ADARB2: variants seen among roughly 807,000 people sequenced by gnomAD.
ADARB2 encodes the protein inactive double-stranded RNA-specific editase B2.
In ADARB2, 25 loss-of-function variants were observed where a neutral mutation model predicts 62.2. The observed-to-expected ratio is 0.40, with a 90% CI of 0.29 to 0.56. The LOEUF is 0.56. Ranked by LOEUF, ADARB2 falls within the 20% of genes least tolerant of loss-of-function variation. ADARB2 has a pLI of 0.43. For synonymous variants in ADARB2, 572 were observed against 500.8 expected (o/e 1.14, Z -1.90); for missense variants, 1,071 against 1,077.4 (o/e 0.99, Z 0.08).
In ADARB2 at chr10:1,363,438, G is replaced by C. The variant is rs1380685905; in HGVS notation, c.667C>G (p.Leu223Val). 2.1e-5 allele frequency: 30 copies of C among 1,406,014 alleles called. No individual in the cohort carries two copies. In the South Asian group the frequency reaches 4.0e-4, roughly 19 times the overall value. The allele number at this position is 1,406,014 out of a possible 1,614,324, so 87.1% of individuals were successfully genotyped here. The change falls in exon 3 of 10, where the codon CTC becomes GTC. Residue 223 changes from leucine to valine, a missense_variant. Physicochemically the swap from Leu to Val is conservative, Grantham distance 32. Transcript: ENST00000381312. ...TSDQADFPDT[L>V]FQEFEPPAPR... ...GCCGGGGGCTCGAACTCCTGGAAGA[G>C]CGTGTCGGGGAAATCGGCCTGGTCG...
At position 1,203,429 on chromosome 10, in the gene ADARB2, G is replaced by A. The variant is rs182844587; in HGVS notation, c.1683-3282C>T. On this transcript the variant is annotated intron_variant, in intron 7 of 9. Transcript: ENST00000381312. ...AGGACCGCCCTTGCCTGTTTTGGAC[G>A]CTTTGGTTTTCCGCCGTGACGCGGC... Among the ~76,000 whole-genome samples, 16 of 152,350 alleles carry A rather than the reference G, an allele frequency of 1.1e-4. No individual in the cohort carries two copies. The East Asian group carries it at 2.9e-3, about 28-fold the overall frequency.
chr10:1,675,919 G>C, intron 1 of ADARB2: 1 of 855,912 alleles, frequency 1.2e-6, no homozygotes, highest in Middle Eastern at 6.0e-4. Flanking sequence ...AGAGGTCCGC[G>C]TGGGTCAGAG....
At chr10:1,293,022 A>AGAGAGG (rs1273479428) in intron 3 of ADARB2, 3 of 36,860 alleles carry the variant, frequency 8.1e-5, no homozygotes, top group African/African-American at 4.4e-4. Context: ...GGGAGGGGAG[A>AGAGAGG]GAGAGGGACA....
chr10:1,293,215 GGAGA>G (rs1354404797), intron 3 of ADARB2, among the ~76,000 whole-genome samples: 7 of 101,720 alleles, frequency 6.9e-5, no homozygotes, highest in African/African-American at 1.8e-4. Context: ...AGGGAGGGAG[GGAGA>G]GAGGGACGGG....
At chr10:1,213,188 T>G (rs1837180813) in intron 7 of ADARB2, among the ~76,000 whole-genome samples, 1 of 146,966 alleles carries the variant, frequency 6.8e-6, no homozygotes, top group Non-Finnish European at 1.5e-5. Context: ...AGGACAGAGA[T>G]AAAAAGACAA....
At chr10:1,415,097 T>G (rs1019519767) in intron 1 of ADARB2, among the ~76,000 whole-genome samples, 4 of 150,030 alleles carry the variant, frequency 2.7e-5, no homozygotes, top group African/African-American at 9.9e-5. Flanking sequence ...GACCAATGGA[T>G]GGATGGTGAA....
intron 7 of ADARB2, among the ~76,000 whole-genome samples, chr10:1,204,354 G>A (rs1404511074): frequency 6.6e-6 from 1 of 152,240 alleles, no homozygotes; most frequent in Non-Finnish European, 1.5e-5. Flanking sequence ...GATGGGGCCA[G>A]TCTTGAAGGG....
At chr10:1,652,027 T>C (rs1406814071) in intron 1 of ADARB2, among the ~76,000 whole-genome samples, 1 of 152,264 alleles carries the variant, frequency 6.6e-6, no homozygotes, top group Non-Finnish European at 1.5e-5. Flanking sequence ...GCTGAGATCC[T>C]TGGGGACGGG....
intron 1 of ADARB2, among the ~76,000 whole-genome samples, chr10:1,563,470 A>G (rs932907723): frequency 6.6e-6 from 1 of 152,216 alleles, no homozygotes; most frequent in Non-Finnish European, 1.5e-5. Context: ...TAATCATCTT[A>G]TCCTCCTTGG....
At chr10:1,375,956 TGCACACACAC>T (rs1564273575) in intron 2 of ADARB2, among the ~76,000 whole-genome samples, 1 of 28,066 alleles carries the variant, frequency 3.6e-5, no homozygotes, top group African/African-American at 4.1e-5. Context: ...ACCACACACA[TGCACACACAC>T]ACATGTGCAC....
intron 1 of ADARB2, among the ~76,000 whole-genome samples, chr10:1,713,487 A>T (rs1834977838): frequency 1.3e-5 from 2 of 152,154 alleles, no homozygotes; most frequent in South Asian, 4.1e-4. Context: ...ATACAAACAG[A>T]GCTGCCATGG....
At chr10:1,472,250 C>G (rs1424782806) in intron 1 of ADARB2, among the ~76,000 whole-genome samples, 3 of 152,230 alleles carry the variant, frequency 2.0e-5, no homozygotes, top group Admixed American at 6.5e-5. Context: ...CCAGGGAATA[C>G]TTTTCTCCAG....
At chr10:1,375,957 G>GCACA (rs368350780) in intron 2 of ADARB2, among the ~76,000 whole-genome samples, 15 of 30,404 alleles carry the variant, frequency 4.9e-4, no homozygotes, top group African/African-American at 5.7e-4. Flanking sequence ...CCACACACAT[G>GCACA]CACACACACA....
intron 1 of ADARB2, among the ~76,000 whole-genome samples, chr10:1,392,805 A>G (rs762412931): frequency 3.3e-5 from 5 of 152,174 alleles, no homozygotes; most frequent in Non-Finnish European, 7.3e-5. Flanking sequence ...GTCCAGTTAA[A>G]ACGGAGGTGG....
intron 1 of ADARB2, among the ~76,000 whole-genome samples, chr10:1,665,028 A>G (rs1834297799): frequency 6.6e-6 from 1 of 152,164 alleles, no homozygotes; most frequent in South Asian, 2.1e-4. Flanking sequence ...CGACACCTTG[A>G]CCAGGGGCAA....
At chr10:1,491,000 G>A (rs1831614774) in intron 1 of ADARB2, among the ~76,000 whole-genome samples, 1 of 152,174 alleles carries the variant, frequency 6.6e-6, no homozygotes, top group Admixed American at 6.6e-5. Context: ...CAATGAAAAA[G>A]TAACTGGCCA....
intron 1 of ADARB2, among the ~76,000 whole-genome samples, chr10:1,472,811 G>A (rs1379165976): frequency 6.6e-6 from 1 of 152,210 alleles, no homozygotes; most frequent in East Asian, 1.9e-4. Flanking sequence ...CTGACTTGAG[G>A]AGGCATGAAC....
At chr10:1,394,807 C>A (rs749766108) in intron 1 of ADARB2, 5 of 456,604 alleles carry the variant, frequency 1.1e-5, no homozygotes, top group Admixed American at 2.4e-5. Context: ...AGGGGAGGAG[C>A]TGCTTCCCCT....
At chr10:1,364,111 C>T (rs997476263) in intron 2 of ADARB2, among the ~76,000 whole-genome samples, 194 bp from the exon 3 acceptor site, 1 of 152,210 alleles carries the variant, frequency 6.6e-6, no homozygotes, top group South Asian at 2.1e-4. Context: ...AAGTAGCGTC[C>T]TTGGTCCCTT....
Sources: allele counts gnomAD v4.1 joint callset (sites outside exome capture counted in the v4.1 genomes callset), GRCh38; gene constraint gnomAD v4.1.1; transcripts MANE v1.5; gene names NCBI Gene and HGNC (gene_info 2026-07-23, HGNC 2026-07-21).